The following CGAS variants were observed in gnomAD, a reference collection of about 807,000 sequenced individuals.
The protein encoded by CGAS is cyclic GMP-AMP synthase.
In CGAS, 31 loss-of-function variants were observed where a neutral mutation model predicts 34.0. That is an observed-to-expected ratio of 0.91 (90% CI 0.69 to 1.23). CGAS has a LOEUF of 1.23. CGAS is among the 50% of genes most tolerant of loss of function. CGAS has a pLI of 0.00. For missense variants in CGAS, 597 were observed against 657.6 expected (o/e 0.91, Z 1.01); for synonymous variants, 266 against 260.0 (o/e 1.02, Z -0.22).
chr6:73,428,632 C>T, intron 4 of CGAS, 77 bp downstream of exon 4: 1 of 1,331,176 alleles, frequency 7.5e-7, no homozygotes, highest in Non-Finnish European at 1.0e-6. Flanking sequence ...CTCAGCTCTT[C>T]AGGTCTGAGG....
At chr6:73,428,145 GCC>G (rs1268183192) in intron 4 of CGAS, among the ~76,000 whole-genome samples, 1 of 151,422 alleles carries the variant, frequency 6.6e-6, no homozygotes, top group Non-Finnish European at 1.5e-5. Context: ...GATTGCTTGA[GCC>G]CAGGAGATCG....
At chr6:73,428,898 A>G in intron 3 of CGAS, 87 bp from the exon 4 acceptor site, 1 of 1,218,940 alleles carries the variant, frequency 8.2e-7, no homozygotes, top group Non-Finnish European at 1.2e-6. Flanking sequence ...TCATGAAAAT[A>G]TCCTGGGGCT....
rs75204178 is a variant in CGAS, at chr6:73,446,444, G to GCCTTTCA, written c.658-698_658-697insTGAAAGG. On this transcript the variant is annotated intron_variant, in intron 1 of 4. Transcript: ENST00000370315. The stretch of plus-strand genomic sequence containing the variant: ...ATTATTTATTGAAAAAAAAAAATCG[G>GCCTTTCA]GCCGGGCGCGGTGGCTCACGCCTGT... Among the ~76,000 whole-genome samples the GCCTTTCA allele has an allele frequency of 7.6e-5, 4 of 52,760 alleles. 1 individual carries two copies. Among genetic ancestry groups the GCCTTTCA allele is most frequent in the Admixed American group, 2.0e-4 (1 of 5,022 alleles). 34.6% of individuals were successfully genotyped at this position (52,760 alleles called of 152,430 possible).
At chr6:73,443,983 G>C (rs1358405739) in intron 2 of CGAS, among the ~76,000 whole-genome samples, 1 of 152,074 alleles carries the variant, frequency 6.6e-6, no homozygotes, top group South Asian at 2.1e-4. Flanking sequence ...ACCCTGAAAA[G>C]GACTTTAGAT....
chr6:73,445,361 T>C (rs1393955960), intron 2 of CGAS, among the ~76,000 whole-genome samples, 167 bp downstream of exon 2: 3 of 151,186 alleles, frequency 2.0e-5, no homozygotes, highest in Non-Finnish European at 4.4e-5. Context: ...AATCTTGTAA[T>C]CATATTATAA....
rs772276292 is a variant in CGAS, at chr6:73,451,731, G to T, written c.451C>A (p.Pro151Thr). The change falls in exon 1 of 5, where the codon CCC becomes ACC. Residue 151 changes from proline (P) to threonine (T), a missense_variant. Pro to Thr is a conservative substitution (Grantham distance 38). Coordinates refer to ENST00000370315, the MANE Select transcript of CGAS (RefSeq NM_138441.3). ...VPSPGLPVSA[P>T]ILVRRDAAPG... ...GCCGCATCCCTCCGTACGAGAATGGGGGCCGAGACCGGCAGGCCGGGGCTG... is the reference window on the plus strand; with the variant it reads ...GCCGCATCCCTCCGTACGAGAATGGTGGCCGAGACCGGCAGGCCGGGGCTG... 6.2e-7 allele frequency: 1 copy of T among 1,612,890 alleles called. No homozygotes were observed. The highest frequency in any genetic ancestry group is 1.1e-5 in the South Asian group (1 of 91,050).
intron 3 of CGAS, among the ~76,000 whole-genome samples, chr6:73,434,293 C>T (rs541637875): frequency 1.3e-5 from 2 of 152,164 alleles, no homozygotes; most frequent in Non-Finnish European, 2.9e-5. Flanking sequence ...CATCTGTGGA[C>T]TTCGGTGTCT....
intron 3 of CGAS, chr6:73,439,908 C>A: frequency 3.4e-6 from 1 of 290,838 alleles, no homozygotes; most frequent in Non-Finnish European, 6.5e-6. Context: ...TAGAAGGAGC[C>A]TCAGGATTCA....
At chr6:73,442,597 CTTTTTTTTTTT>C (rs66905880) in intron 2 of CGAS, among the ~76,000 whole-genome samples, 4 of 131,498 alleles carry the variant, frequency 3.0e-5, no homozygotes, top group African/African-American at 8.7e-5. Flanking sequence ...TTTTTTCTTT[CTTTTTTTTTTT>C]TTTTTTTTCT....
Position 73,442,297 on chromosome 6 carries a change from G to C in CGAS, c.878-1852C>G, listed in dbSNP as rs552071098. On this transcript the variant is annotated intron_variant, in intron 2 of 4. Transcript: ENST00000370315. Reference sequence around the variant, plus strand: ...ATCAGCCATCTCTCCCTCCCTGCTAGATTATTCTGAAATTCATACAAAGGG... The same window carrying C: ...ATCAGCCATCTCTCCCTCCCTGCTACATTATTCTGAAATTCATACAAAGGG... Among the ~76,000 whole-genome samples the C allele has an allele frequency of 6.6e-5, 10 of 152,122 alleles. No individual in the cohort carries two copies. The East Asian group carries it at 1.5e-3, about 24-fold the overall frequency.
At chr6:73,439,475 C>T (rs1248753719) in intron 3 of CGAS, among the ~76,000 whole-genome samples, 4 of 145,102 alleles carry the variant, frequency 2.8e-5, no homozygotes, top group Non-Finnish European at 6.0e-5. Context: ...GAGCAAAACT[C>T]TGTCTCAGGA....
chr6:73,430,541 T>C (rs9442909), intron 3 of CGAS, among the ~76,000 whole-genome samples: 2 of 152,046 alleles, frequency 1.3e-5, no homozygotes, highest in Non-Finnish European at 2.9e-5. Flanking sequence ...CTTGGGAGGC[T>C]GAGGCAGGAG....
chr6:73,430,384 A>G (rs1047208438), intron 3 of CGAS, among the ~76,000 whole-genome samples: 14 of 152,168 alleles, frequency 9.2e-5, no homozygotes, highest in Non-Finnish European at 1.2e-4. Flanking sequence ...TAATCCCAGC[A>G]CTTCAGGAGG....
At chr6:73,435,024 TTAA>T (rs1418748670) in intron 3 of CGAS, among the ~76,000 whole-genome samples, 1 of 152,038 alleles carries the variant, frequency 6.6e-6, no homozygotes, top group Non-Finnish European at 1.5e-5. Flanking sequence ...ATGTGAGATA[TTAA>T]TAATAGGAAA....
At position 73,425,103 on chromosome 6, in the gene CGAS, C is replaced by T. The variant is rs1461081428; in HGVS notation, c.*124G>A. On this transcript the variant is annotated 3_prime_UTR_variant, in exon 5 of 5. Transcript: ENST00000370315. ...TCCTGACCTCAAGTGATCCGCCTGC[C>T]TCGGCCTCCAAAGAGCTGGGATTAC... 7.6e-6 allele frequency: 5 copies of T among 654,758 alleles called. No homozygotes were observed. In the East Asian group the frequency reaches 9.0e-5, roughly 12 times the overall value. 40.6% of individuals were successfully genotyped at this position (654,758 alleles called of 1,614,324 possible). A position where few individuals can be genotyped will look rare whatever the true frequency, so the allele number is the denominator to read the frequency against.
intron 2 of CGAS, 56 bp downstream of exon 2, chr6:73,445,472 A>G: frequency 3.1e-6 from 4 of 1,273,580 alleles, no homozygotes; most frequent in Non-Finnish European, 4.4e-6. Flanking sequence ...GGGAGTGTAC[A>G]TTGGCAATTA....
intron 3 of CGAS, among the ~76,000 whole-genome samples, chr6:73,431,621 T>C (rs926163764): frequency 6.6e-6 from 1 of 152,106 alleles, no homozygotes; most frequent in Non-Finnish European, 1.5e-5. Context: ...TTGAAGTAAA[T>C]TGAGTAAATT....
intron 3 of CGAS, chr6:73,439,971 A>C: frequency 2.2e-6 from 1 of 452,494 alleles, no homozygotes; most frequent in Non-Finnish European, 3.9e-6. Context: ...TACCGAAAAA[A>C]ATAAAATAAA....
intron 4 of CGAS, 127 bp downstream of exon 4, chr6:73,428,582 G>T: frequency 1.3e-6 from 1 of 744,856 alleles, no homozygotes; most frequent in Non-Finnish European, 2.2e-6. Context: ...ACTCTCCCCA[G>T]CTCAACCCAA....
Sources: allele counts gnomAD v4.1 joint callset (sites outside exome capture counted in the v4.1 genomes callset), GRCh38; gene constraint gnomAD v4.1.1; transcripts MANE v1.5; gene names NCBI Gene and HGNC (gene_info 2026-07-23, HGNC 2026-07-21).